Variants in LDLRAD4 observed in about 807,000 individuals in gnomAD.
LDLRAD4 encodes low-density lipoprotein receptor class A domain-containing protein 4.
Under a neutral mutation model 17.0 loss-of-function variants are expected in LDLRAD4, and 5 were observed. The ratio of observed to expected loss-of-function variants is 0.29; its 90% CI spans 0.15 to 0.62. The LOEUF is 0.62. Among genes scored for constraint, LDLRAD4 ranks in the 20% least tolerant of loss-of-function variants. The pLI, the probability that LDLRAD4 is intolerant of heterozygous loss-of-function variation, is 0.84. For synonymous variants in LDLRAD4, 168 were observed against 171.8 expected (o/e 0.98, Z 0.17); for missense variants, 340 against 424.7 (o/e 0.80, Z 1.75).
intron 1 of LDLRAD4, among the ~76,000 whole-genome samples, chr18:13,301,374 G>A (rs1230482371): frequency 1.3e-5 from 2 of 148,174 alleles, no homozygotes; most frequent in Admixed American, 6.7e-5. Context: ...TGAGAGTGGA[G>A]TAGAGGGTGC....
In LDLRAD4 at chr18:13,230,153, C is replaced by T. The variant is rs777495049; in HGVS notation, c.-467+11165C>T. ...GAGCTTGTTCACCCCTTCCACCACT[C>T]GAGGACTCACAGAAGGTGCCATCTA... is the stretch of plus-strand genomic sequence containing the variant. On this transcript the variant is annotated intron_variant, in intron 1 of 5. Coordinates refer to the LDLRAD4 transcript ENST00000399848. 1.1e-3 allele frequency among the ~76,000 whole-genome samples: 162 copies of T among 152,290 alleles called. 1 individual carries two copies. The highest frequency in any genetic ancestry group is 2.1e-3 in the Non-Finnish European group (146 of 68,022).
chr18:13,431,845 G>T (rs1303591717), intron 2 of LDLRAD4, among the ~76,000 whole-genome samples: 1 of 152,096 alleles, frequency 6.6e-6, no homozygotes, highest in Non-Finnish European at 1.5e-5. Context: ...AATGCTTTGG[G>T]GTTAACTTAA....
intron 2 of LDLRAD4, among the ~76,000 whole-genome samples, chr18:13,410,979 G>A (rs567865547): frequency 6.6e-6 from 1 of 152,184 alleles, no homozygotes; most frequent in Non-Finnish European, 1.5e-5. Context: ...GGCCAGGTGC[G>A]GTGGCTTACG....
chr18:13,232,921 T>G (rs1415634146), intron 1 of LDLRAD4, among the ~76,000 whole-genome samples: 1 of 152,186 alleles, frequency 6.6e-6, no homozygotes, highest in East Asian at 1.9e-4. Context: ...CCTGGTGTGG[T>G]CCTCCTGGTT....
intron 3 of LDLRAD4, among the ~76,000 whole-genome samples, chr18:13,569,761 G>A (rs2002703): frequency 0.16 from 24,872 of 152,030 alleles, 2,247 homozygotes; most frequent in East Asian, 0.36. Flanking sequence ...GGCAGGTGCC[G>A]GTAATCCCAG....
chr18:13,344,987 A>G (rs2082598740), intron 1 of LDLRAD4, among the ~76,000 whole-genome samples: 1 of 152,176 alleles, frequency 6.6e-6, no homozygotes, highest in Non-Finnish European at 1.5e-5. Flanking sequence ...TTGTTCTGAG[A>G]CAATGGGGTT....
intron 4 of LDLRAD4, among the ~76,000 whole-genome samples, chr18:13,642,928 GT>G (rs113846373): frequency 0.024 from 3,217 of 133,814 alleles, 58 homozygotes; most frequent in Middle Eastern, 0.074. Context: ...TCTATTTTTT[GT>G]TTTTTTTTTT....
At chr18:13,465,752 G>A (rs2092594483) in intron 3 of LDLRAD4, among the ~76,000 whole-genome samples, 1 of 152,232 alleles carries the variant, frequency 6.6e-6, no homozygotes. Context: ...AAGACACTGA[G>A]TCTGTTTAGG....
At chr18:13,601,410 C>G (rs1487729583) in intron 3 of LDLRAD4, among the ~76,000 whole-genome samples, 1 of 152,042 alleles carries the variant, frequency 6.6e-6, no homozygotes, top group Non-Finnish European at 1.5e-5. Flanking sequence ...AAATGCAAAT[C>G]AAAACCACAG....
intron 3 of LDLRAD4, among the ~76,000 whole-genome samples, chr18:13,599,160 C>T (rs981193008): frequency 6.6e-6 from 1 of 152,104 alleles, no homozygotes; most frequent in Admixed American, 6.5e-5. Context: ...ATGCCATAGG[C>T]TTTGTTGGGA....
At chr18:13,511,881 C>T (rs185023400) in intron 3 of LDLRAD4, among the ~76,000 whole-genome samples, 107 of 152,324 alleles carry the variant, frequency 7.0e-4, no homozygotes, top group African/African-American at 2.5e-3. Flanking sequence ...CCAAATCAGA[C>T]TGTATGAGGA....
chr18:13,643,270 G>A, intron 4 of LDLRAD4, 89 bp from the exon 6 acceptor site: 1 of 842,924 alleles, frequency 1.2e-6, no homozygotes, highest in South Asian at 1.7e-5. Context: ...GTTTCCAGAA[G>A]TTGTGCTTCA....
intron 1 of LDLRAD4, among the ~76,000 whole-genome samples, chr18:13,247,274 T>G (rs2043001314): frequency 6.6e-6 from 1 of 152,214 alleles, no homozygotes; most frequent in Admixed American, 6.5e-5. Flanking sequence ...TTACGAAGAT[T>G]GTGCAGAGTT....
At chr18:13,428,384 C>T (rs549298343) in intron 2 of LDLRAD4, among the ~76,000 whole-genome samples, 15 of 152,154 alleles carry the variant, frequency 9.9e-5, no homozygotes, top group South Asian at 4.2e-4. Flanking sequence ...CAGGGAGCAG[C>T]GAGGAGGCCA....
chr18:13,540,254 C>T (rs1022167013), intron 3 of LDLRAD4, among the ~76,000 whole-genome samples: 5 of 152,160 alleles, frequency 3.3e-5, no homozygotes, highest in East Asian at 1.9e-4. Flanking sequence ...TTGAGATCCC[C>T]GTAATTCTTT....
chr18:13,263,798 C>T (rs1436609963), intron 1 of LDLRAD4, among the ~76,000 whole-genome samples: 1 of 152,194 alleles, frequency 6.6e-6, no homozygotes, highest in Non-Finnish European at 1.5e-5. Flanking sequence ...GGGAGTCGAG[C>T]TTGGACTGTG....
At chr18:13,613,274 A>G (rs1601713762) in intron 3 of LDLRAD4, 1 of 153,064 alleles carries the variant, frequency 6.5e-6, no homozygotes, top group Non-Finnish European at 1.5e-5. Flanking sequence ...ATAGAGAGCC[A>G]AAGAAAGTGA....
rs901689860 is a variant in LDLRAD4, at chr18:13,476,551, G to T, written c.181+38167G>T. ...AGGTGGGAGGATCCCTTGAGCCCAG[G>T]AGATCTAGGCGGCAGTGAGCTATGA... On this transcript the variant is annotated intron_variant, in intron 3 of 5. Coordinates refer to ENST00000359446, the Ensembl canonical transcript of LDLRAD4. Among the ~76,000 whole-genome samples the T allele has an allele frequency of 5.3e-5, 8 of 151,896 alleles. No homozygotes were observed. The South Asian group carries it at 1.3e-3, about 24-fold the overall frequency.
intron 2 of LDLRAD4, among the ~76,000 whole-genome samples, chr18:13,405,015 C>T (rs1381015102): frequency 6.6e-6 from 1 of 151,746 alleles, no homozygotes; most frequent in African/African-American, 2.4e-5. Context: ...CTCTGTGAAC[C>T]CTGAAGCAGT....
Sources: gnomAD v4.1 joint callset for allele counts (sites outside exome capture counted in the v4.1 genomes callset) on GRCh38, gnomAD v4.1.1 for gene constraint, MANE v1.5 for transcripts, NCBI Gene and HGNC (gene_info 2026-07-23, HGNC 2026-07-21) for gene names.